DPP6: variants seen among roughly 807,000 people sequenced by gnomAD.
DPP6 encodes A-type potassium channel modulatory protein DPP6.
In DPP6, 69 loss-of-function variants were observed where a neutral mutation model predicts 122.6. The observed-to-expected ratio is 0.56, with a 90% CI of 0.46 to 0.69. DPP6 has a LOEUF of 0.69. Among genes scored for constraint, DPP6 ranks in the 30% least tolerant of loss-of-function variants. The pLI is 0.00. For synonymous variants in DPP6, 418 were observed against 433.1 expected, an observed-to-expected ratio of 0.97 and a Z score of 0.43; for missense variants, 928 against 1,116.9, an observed-to-expected ratio of 0.83 and a Z score of 2.41.
chr7:154,023,236 T>G (rs975108374), intron 1 of DPP6, among the ~76,000 whole-genome samples: 2 of 151,450 alleles, frequency 1.3e-5, no homozygotes, highest in African/African-American at 4.9e-5. Flanking sequence ...AGAGTTCACA[T>G]GGAGTTGTGA....
intron 7 of DPP6, among the ~76,000 whole-genome samples, chr7:154,706,895 G>A (rs1317210828): frequency 1.3e-5 from 2 of 152,176 alleles, no homozygotes; most frequent in African/African-American, 2.4e-5. Context: ...TGATGGGAAG[G>A]TCTTTAGAGT....
chr7:153,781,931 C>A, the DPP6 span, among the ~76,000 whole-genome samples: 1 of 147,028 alleles, frequency 6.8e-6, no homozygotes, highest in African/African-American at 2.5e-5. Flanking sequence ...AATTTATAAA[C>A]TTCTATCATA....
the DPP6 span, among the ~76,000 whole-genome samples, chr7:153,806,996 T>C: frequency 6.6e-6 from 1 of 152,098 alleles, no homozygotes. Flanking sequence ...CCCTTCTTTT[T>C]TACTAAAATT....
chr7:154,231,942 A>G (rs1800943869), intron 1 of DPP6, among the ~76,000 whole-genome samples: 1 of 152,226 alleles, frequency 6.6e-6, no homozygotes, highest in Non-Finnish European at 1.5e-5. Context: ...GGAACTGTCC[A>G]TGGTGCTGCT....
chr7:154,163,139 A>G (rs1365732280), intron 1 of DPP6, among the ~76,000 whole-genome samples: 2 of 152,010 alleles, frequency 1.3e-5, no homozygotes, highest in African/African-American at 4.8e-5. Flanking sequence ...GGAACTTGAC[A>G]CCCAGAATTT....
intron 1 of DPP6, among the ~76,000 whole-genome samples, chr7:154,273,788 G>T (rs1803952491): frequency 6.6e-6 from 1 of 152,192 alleles, no homozygotes; most frequent in Non-Finnish European, 1.5e-5. Flanking sequence ...AGTCAGACTG[G>T]CACAAGCAAA....
chr7:153,791,754 G>T, the DPP6 span, among the ~76,000 whole-genome samples: 1 of 152,074 alleles, frequency 6.6e-6, no homozygotes, highest in African/African-American at 2.4e-5. Flanking sequence ...ATAATAATTT[G>T]GTTCTTATAA....
intron 1 of DPP6, among the ~76,000 whole-genome samples, chr7:154,105,517 G>A (rs535280076): frequency 3.9e-5 from 6 of 152,148 alleles, no homozygotes; most frequent in South Asian, 2.1e-4. Flanking sequence ...CACAGTTTTA[G>A]AAAAGGTCAG....
At chr7:154,198,578 T>G (rs1798996528) in intron 1 of DPP6, among the ~76,000 whole-genome samples, 1 of 152,184 alleles carries the variant, frequency 6.6e-6, no homozygotes, top group Non-Finnish European at 1.5e-5. Context: ...CCACCCAAAG[T>G]GCTGGGATTA....
chr7:154,776,574 G>A (rs935425579), intron 10 of DPP6, among the ~76,000 whole-genome samples: 20 of 152,112 alleles, frequency 1.3e-4, no homozygotes, highest in Non-Finnish European at 2.4e-4. Flanking sequence ...AGGCAGGGAC[G>A]TTAGTTCCTG....
chr7:153,826,583 G>T, the DPP6 span, among the ~76,000 whole-genome samples: 8 of 152,082 alleles, frequency 5.3e-5, no homozygotes, highest in Non-Finnish European at 1.0e-4. Flanking sequence ...GATACAAAAG[G>T]TTTCTGCTAA....
chr7:154,137,431 T>C (rs376499251), intron 1 of DPP6, among the ~76,000 whole-genome samples: 1 of 151,776 alleles, frequency 6.6e-6, no homozygotes, highest in Non-Finnish European at 1.5e-5. Flanking sequence ...TGTGCAATCT[T>C]CCAGTAAATG....
chr7:154,477,377 C>T (rs551062515), intron 3 of DPP6, among the ~76,000 whole-genome samples: 1 of 152,220 alleles, frequency 6.6e-6, no homozygotes, highest in South Asian at 2.1e-4. Context: ...AAACAAGGGA[C>T]ACCAAACCTG....
At position 154,624,894 on chromosome 7, in the gene DPP6, A is replaced by C. The variant is rs1001654193; in HGVS notation, c.628-12927A>C. Among the ~76,000 whole-genome samples the C allele has an allele frequency of 6.6e-6, 1 of 152,172 alleles. No homozygotes were observed. The highest frequency in any genetic ancestry group is 2.4e-5 in the African/African-American group (1 of 41,448). On this transcript the variant is annotated intron_variant, in intron 5 of 25. Transcript: ENST00000377770. This position sits in a 1 kb window ranked among gnomAD's most constrained non-coding sequence, Gnocchi z 4.7. ...GTGAGCATGCTTCAGGGCTGAGCAT[A>C]TGACCAACATTTTACATTTCAGAGT...
In DPP6 at chr7:154,191,341, T is replaced by C. The variant is rs138456718; in HGVS notation, c.243+138278T>C. ...CTTCTTTTGTAGGCAGATAGACTTA[T>C]TAAGGTATCTTGAGTAGTTCTTTAA... On this transcript the variant is annotated intron_variant, in intron 1 of 25. Coordinates refer to ENST00000377770, the MANE Select transcript of DPP6 (RefSeq NM_130797.4). Among the ~76,000 whole-genome samples the C allele has an allele frequency of 2.3e-3, 356 of 152,384 alleles. 1 individual carries two copies. Among genetic ancestry groups the C allele is most frequent in the Non-Finnish European group, 4.0e-3 (275 of 68,032 alleles).
In DPP6 at chr7:154,619,095, A is replaced by C. The variant is rs567319312; in HGVS notation, c.628-18726A>C. Among the ~76,000 whole-genome samples, 9 of 152,282 alleles carry C rather than the reference A, an allele frequency of 5.9e-5. No individual in the cohort carries two copies. The South Asian group carries it at 1.4e-3, about 25-fold the overall frequency. ...GTGACTTTGCTCCTCATTTGCCTTC[A>C]GCCATGATGATGAGGCCTCCCCAGC... On this transcript the variant is annotated intron_variant, in intron 5 of 25. Coordinates refer to ENST00000377770, the MANE Select transcript of DPP6 (RefSeq NM_130797.4).
At chr7:154,673,433 G>C (rs999030776) in intron 7 of DPP6, among the ~76,000 whole-genome samples, 3 of 152,186 alleles carry the variant, frequency 2.0e-5, no homozygotes, top group Non-Finnish European at 4.4e-5. Context: ...TTGCCAATTA[G>C]CTCTTACCTT....
At chr7:154,448,639 CAA>C (rs1324887275) in intron 2 of DPP6, among the ~76,000 whole-genome samples, 1 of 152,092 alleles carries the variant, frequency 6.6e-6, no homozygotes, top group African/African-American at 2.4e-5. Flanking sequence ...AAAAACAATT[CAA>C]AGACTTATAC....
chr7:154,643,556 C>T (rs939191926), intron 6 of DPP6, among the ~76,000 whole-genome samples: 1 of 151,494 alleles, frequency 6.6e-6, no homozygotes, highest in Non-Finnish European at 1.5e-5. Flanking sequence ...GCAACCTCCG[C>T]CCCCCAGGTT....
Sources: allele counts gnomAD v4.1 joint callset (sites outside exome capture counted in the v4.1 genomes callset), GRCh38; gene constraint gnomAD v4.1.1; non-coding constraint Gnocchi (gnomAD v3.1); transcripts MANE v1.5; gene names NCBI Gene and HGNC (gene_info 2026-07-23, HGNC 2026-07-21).